Variants in RETREG1 observed in about 807,000 individuals in gnomAD.
The protein encoded by RETREG1 is reticulophagy regulator 1.
Under a neutral mutation model 54.8 loss-of-function variants are expected in RETREG1, and 44 were observed. That is an observed-to-expected ratio of 0.80 (90% CI 0.63 to 1.03). RETREG1 has a LOEUF of 1.03. RETREG1 is among the 50% of genes least tolerant of loss of function. The probability of loss-of-function intolerance (pLI) is 0.00; values close to 1 mark genes in which losing one functional copy is unlikely to be tolerated. For synonymous variants in RETREG1, 217 were observed against 238.5 expected, an observed-to-expected ratio of 0.91 and a Z score of 0.83; for missense variants, 554 against 605.1, an observed-to-expected ratio of 0.92 and a Z score of 0.89.
chr5:16,481,315 G>A (rs1738766121), intron 4 of RETREG1, among the ~76,000 whole-genome samples: 1 of 152,000 alleles, frequency 6.6e-6, no homozygotes, highest in Non-Finnish European at 1.5e-5. Flanking sequence ...TAATTATTTT[G>A]AGGACACAGG....
chr5:16,560,773 T>C (rs1238068369), intron 3 of RETREG1, among the ~76,000 whole-genome samples: 1 of 152,250 alleles, frequency 6.6e-6, no homozygotes. Flanking sequence ...TAAAGTGTTC[T>C]TTAATTTTTC....
chr5:16,535,731 ACGC>A, intron 3 of RETREG1, among the ~76,000 whole-genome samples: 1 of 107,720 alleles, frequency 9.3e-6, no homozygotes, highest in Admixed American at 9.2e-5. Flanking sequence ...TCCTGTGTGC[ACGC>A]TGCCTTCACA....
intron 3 of RETREG1, among the ~76,000 whole-genome samples, chr5:16,522,020 A>C (rs1390574201): frequency 6.6e-6 from 1 of 152,104 alleles, no homozygotes; most frequent in Non-Finnish European, 1.5e-5. Flanking sequence ...CATGAGCTTC[A>C]CCTGCTGACC....
chr5:16,478,230 A>T (rs1738624957), intron 6 of RETREG1, 132 bp from the exon 7 acceptor site: 1 of 650,724 alleles, frequency 1.5e-6, no homozygotes, highest in East Asian at 2.8e-5. Flanking sequence ...CATATTCTTA[A>T]CTACAAATAT....
At position 16,530,094 on chromosome 5, in the gene RETREG1, C is replaced by T. The variant is rs1579653480; in HGVS notation, c.458+35669G>A. Reference sequence around the variant, plus strand: ...CCCAGATGCTTATCCCAATAAACGCCTTGCATGCTCATCTCCATCTCATAG... The same window carrying T: ...CCCAGATGCTTATCCCAATAAACGCTTTGCATGCTCATCTCCATCTCATAG... On this transcript the variant is annotated intron_variant, in intron 3 of 8. Coordinates refer to ENST00000306320, the MANE Select transcript of RETREG1 (RefSeq NM_001034850.3). 3.9e-5 allele frequency among the ~76,000 whole-genome samples: 6 copies of T among 152,358 alleles called. No homozygotes were observed. The East Asian group carries it at 1.2e-3, about 29-fold the overall frequency.
intron 2 of RETREG1, among the ~76,000 whole-genome samples, chr5:16,567,902 G>A (rs1171453592): frequency 1.3e-5 from 2 of 152,166 alleles, no homozygotes; most frequent in African/African-American, 2.4e-5. Flanking sequence ...CGAGGCTGCA[G>A]TGAGCTATGA....
intron 1 of RETREG1, among the ~76,000 whole-genome samples, chr5:16,589,887 G>A (rs890499865): frequency 6.6e-6 from 1 of 152,136 alleles, no homozygotes; most frequent in African/African-American, 2.4e-5. Flanking sequence ...GATGAGCAGG[G>A]CCACCTCAAG....
intron 3 of RETREG1, among the ~76,000 whole-genome samples, chr5:16,487,572 C>T (rs1026073963): frequency 1.3e-5 from 2 of 152,216 alleles, no homozygotes; most frequent in African/African-American, 4.8e-5. Context: ...GCTCAAGGAT[C>T]TGTAACTGTA....
At chr5:16,480,295 T>C (rs1738710921) in intron 5 of RETREG1, among the ~76,000 whole-genome samples, 2 of 152,132 alleles carry the variant, frequency 1.3e-5, no homozygotes, top group Admixed American at 1.3e-4. Flanking sequence ...GATTTATCTT[T>C]AGTGTTGTAT....
intron 3 of RETREG1, among the ~76,000 whole-genome samples, chr5:16,489,604 T>C (rs1336421579): frequency 3.9e-5 from 6 of 152,252 alleles, no homozygotes; most frequent in Non-Finnish European, 8.8e-5. Context: ...TATCTCATTA[T>C]CATTTAACTT....
chr5:16,603,981 A>G (rs1743117963), intron 1 of RETREG1, among the ~76,000 whole-genome samples: 1 of 152,112 alleles, frequency 6.6e-6, no homozygotes, highest in Admixed American at 6.5e-5. Context: ...TAAAACGGAA[A>G]ACAAAGGTGG....
At chr5:16,555,343 G>C (rs2560831) in intron 3 of RETREG1, among the ~76,000 whole-genome samples, 124,556 of 151,722 alleles carry the variant, frequency 0.82, 51,114 homozygotes, top group Middle Eastern at 0.87. Flanking sequence ...GTAGAGACGG[G>C]GTTTCACCAT....
intron 1 of RETREG1, among the ~76,000 whole-genome samples, chr5:16,578,507 C>A (rs1200488046): frequency 6.6e-6 from 1 of 152,182 alleles, no homozygotes; most frequent in Non-Finnish European, 1.5e-5. Flanking sequence ...CAATCCCCAT[C>A]TGCTGGGCGT....
At chr5:16,537,026 C>T (rs1386424593) in intron 3 of RETREG1, among the ~76,000 whole-genome samples, 1 of 152,124 alleles carries the variant, frequency 6.6e-6, no homozygotes, top group Non-Finnish European at 1.5e-5. Context: ...CTACTCTTCC[C>T]CTGACCAGTC....
intron 3 of RETREG1, among the ~76,000 whole-genome samples, chr5:16,528,897 C>T (rs536467106): frequency 6.6e-6 from 1 of 151,898 alleles, no homozygotes; most frequent in South Asian, 2.1e-4. Context: ...GACAGATGAG[C>T]GTGGGCCATA....
chr5:16,508,677 G>A (rs1397718822), intron 3 of RETREG1: 1 of 1,611,240 alleles, frequency 6.2e-7, no homozygotes, highest in Non-Finnish European at 8.5e-7. Context: ...GGCTAATGTG[G>A]CCAAACAATA....
intron 1 of RETREG1, among the ~76,000 whole-genome samples, chr5:16,592,634 G>A (rs1472923486): frequency 6.6e-6 from 1 of 151,980 alleles, no homozygotes; most frequent in African/African-American, 2.4e-5. Flanking sequence ...CAATAGCAAA[G>A]ACACAGAATC....
At chr5:16,526,270 G>C (rs1361386934) in intron 3 of RETREG1, among the ~76,000 whole-genome samples, 1 of 152,222 alleles carries the variant, frequency 6.6e-6, no homozygotes, top group Admixed American at 6.5e-5. Context: ...CCACTGAGCA[G>C]ATAAGAAAAT....
intron 1 of RETREG1, among the ~76,000 whole-genome samples, chr5:16,581,673 A>G (rs1418198687): frequency 6.6e-6 from 1 of 152,046 alleles, no homozygotes; most frequent in Non-Finnish European, 1.5e-5. Flanking sequence ...CAATATTTCC[A>G]CCAATCCCTA....
Sources: gnomAD v4.1 joint callset for allele counts (sites outside exome capture counted in the v4.1 genomes callset) on GRCh38, gnomAD v4.1.1 for gene constraint, MANE v1.5 for transcripts, NCBI Gene and HGNC (gene_info 2026-07-23, HGNC 2026-07-21) for gene names.